ZMAT5: variants seen among roughly 807,000 people sequenced by gnomAD.
ZMAT5 encodes the protein zinc finger matrin-type protein 5.
A neutral mutation model predicts 28.0 loss-of-function variants in ZMAT5; 23 were observed. The observed-to-expected ratio is 0.82, with a 90% confidence interval of 0.59 to 1.16. ZMAT5 has a LOEUF of 1.16. Among genes scored for constraint, ZMAT5 ranks in the 50% most tolerant of loss-of-function variants. ZMAT5 has a pLI of 0.00. For missense variants in ZMAT5, 173 were observed against 212.7 expected, an observed-to-expected ratio of 0.81 and a Z score of 1.16; for synonymous variants, 76 against 84.1, an observed-to-expected ratio of 0.90 and a Z score of 0.52.
At chr22:29,731,823 A>G (rs1010965045) in intron 5 of ZMAT5, 1 of 152,834 alleles carries the variant, frequency 6.5e-6, no homozygotes, top group African/African-American at 2.4e-5. Context: ...ATCCTGGAAG[A>G]CACAGCAAAA....
chr22:29,753,288 A>G (rs922921111), intron 1 of ZMAT5, among the ~76,000 whole-genome samples: 1 of 152,214 alleles, frequency 6.6e-6, no homozygotes, highest in African/African-American at 2.4e-5. Flanking sequence ...ACACTTTGGG[A>G]GGCTGAGGAG....
intron 5 of ZMAT5, among the ~76,000 whole-genome samples, chr22:29,736,719 CAAAA>C (rs35069848): frequency 2.4e-4 from 6 of 25,270 alleles, no homozygotes; most frequent in South Asian, 1.6e-3. Context: ...GACTCCATCT[CAAAA>C]AAAAAAAAAA....
intron 4 of ZMAT5, among the ~76,000 whole-genome samples, chr22:29,739,427 G>T (rs111703020): frequency 0.059 from 9,002 of 152,154 alleles, 308 homozygotes; most frequent in Middle Eastern, 0.1. Context: ...CTGGTCTCTG[G>T]AGCTCACTTG....
chr22:29,748,155 C>A (rs1003158142), intron 2 of ZMAT5: 5 of 495,278 alleles, frequency 1.0e-5, no homozygotes, highest in Non-Finnish European at 1.8e-5. Flanking sequence ...GCATGGCTAG[C>A]TTTCCCCTAT....
intron 1 of ZMAT5, among the ~76,000 whole-genome samples, chr22:29,754,421 G>A (rs1260608951): frequency 1.3e-5 from 2 of 152,208 alleles, no homozygotes; most frequent in Non-Finnish European, 2.9e-5. Context: ...AGGCTAGTGG[G>A]ACAACCTCTG....
intron 1 of ZMAT5, among the ~76,000 whole-genome samples, chr22:29,760,094 G>C (rs1038721262): frequency 1.3e-5 from 2 of 151,904 alleles, no homozygotes; most frequent in African/African-American, 4.8e-5. Flanking sequence ...CCTGCTACTC[G>C]AAAGGCTGAG....
At chr22:29,763,987 T>G (rs1394226529) in intron 1 of ZMAT5, among the ~76,000 whole-genome samples, 1 of 151,474 alleles carries the variant, frequency 6.6e-6, no homozygotes, top group Non-Finnish European at 1.5e-5. Context: ...CCCAGCATGG[T>G]GGTGCACACC....
chr22:29,736,807 G>A (rs1447960255), intron 5 of ZMAT5, among the ~76,000 whole-genome samples: 1 of 150,006 alleles, frequency 6.7e-6, no homozygotes, highest in African/African-American at 2.5e-5. Context: ...GGTGGATCAG[G>A]AGGGCAGGAG....
At position 29,738,422 on chromosome 22, in the gene ZMAT5, C is replaced by T; in HGVS notation, c.291G>A (p.Glu97=). ...GGAGCTCAGGAGCATCTAGTAGCCA[C>T]TCCCTGGCTCGCCTCTCCTCTGTGG... ...IQVEEERRAR[E]WLLDAPELPE... Residue 97 remains glutamate, a synonymous_variant, in exon 5 of 6, where the codon GAG becomes GAA. Transcript: ENST00000344318. 6.2e-7 allele frequency: 1 copy of T among 1,610,674 alleles called. No homozygotes were observed. Among genetic ancestry groups the T allele is most frequent in the Non-Finnish European group, 8.5e-7 (1 of 1,179,904 alleles).
intron 2 of ZMAT5, among the ~76,000 whole-genome samples, chr22:29,744,422 T>C (rs2067990827): frequency 6.6e-6 from 1 of 151,676 alleles, no homozygotes; most frequent in African/African-American, 2.4e-5. Context: ...GAGTTGGTTG[T>C]CAGAGAACTC....
intron 1 of ZMAT5, among the ~76,000 whole-genome samples, chr22:29,756,011 G>A (rs1017617470): frequency 6.6e-6 from 1 of 152,242 alleles, no homozygotes; most frequent in African/African-American, 2.4e-5. Flanking sequence ...CATTCCTTTC[G>A]TTGTGTGTGT....
At chr22:29,733,657 C>G (rs1008628422) in intron 5 of ZMAT5, among the ~76,000 whole-genome samples, 1 of 152,218 alleles carries the variant, frequency 6.6e-6, no homozygotes, top group Admixed American at 6.5e-5. Flanking sequence ...GCCAGCCAAG[C>G]CTGGGCTCCC....
At chr22:29,763,460 G>A (rs992574442) in intron 1 of ZMAT5, among the ~76,000 whole-genome samples, 3 of 150,656 alleles carry the variant, frequency 2.0e-5, no homozygotes, top group African/African-American at 7.3e-5. Flanking sequence ...AAATTAGCTG[G>A]GTGTGGTGGC....
intron 1 of ZMAT5, among the ~76,000 whole-genome samples, chr22:29,755,508 G>T (rs1348510566): frequency 6.6e-6 from 1 of 152,052 alleles, no homozygotes; most frequent in Admixed American, 6.6e-5. Context: ...GGCTGGGGAT[G>T]GTGGGTGAGG....
At chr22:29,756,198 GTAA>G (rs2068099904) in intron 1 of ZMAT5, among the ~76,000 whole-genome samples, 1 of 152,208 alleles carries the variant, frequency 6.6e-6, no homozygotes, top group African/African-American at 2.4e-5. Flanking sequence ...CAGGTAAACA[GTAA>G]ACCACAGCCA....
At chr22:29,754,625 T>C (rs1280453676) in intron 1 of ZMAT5, among the ~76,000 whole-genome samples, 1 of 152,106 alleles carries the variant, frequency 6.6e-6, no homozygotes, top group African/African-American at 2.4e-5. Context: ...AATCCCAACA[T>C]GTTGGGAGGC....
At chr22:29,739,519 G>A (rs980674795) in intron 4 of ZMAT5, among the ~76,000 whole-genome samples, 9 of 152,226 alleles carry the variant, frequency 5.9e-5, no homozygotes. Context: ...CCTCCAAGAG[G>A]TTAAGCCACG....
intron 5 of ZMAT5, among the ~76,000 whole-genome samples, chr22:29,736,098 G>A (rs2067901630): frequency 6.6e-6 from 1 of 152,222 alleles, no homozygotes; most frequent in Non-Finnish European, 1.5e-5. Flanking sequence ...GTGAGGATGG[G>A]ACTCATAGGA....
At chr22:29,737,698 C>T (rs891405502) in intron 5 of ZMAT5, among the ~76,000 whole-genome samples, 5 of 152,142 alleles carry the variant, frequency 3.3e-5, no homozygotes, top group African/African-American at 4.8e-5. Flanking sequence ...CTTTGTCTGC[C>T]CCTGCCTGCC....
Sources: allele counts gnomAD v4.1 joint callset (sites outside exome capture counted in the v4.1 genomes callset), GRCh38; gene constraint gnomAD v4.1.1; transcripts MANE v1.5; gene names NCBI Gene and HGNC (gene_info 2026-07-23, HGNC 2026-07-21).